SLC10A1: variants seen among roughly 807,000 people sequenced by gnomAD.
SLC10A1 encodes the protein solute carrier family 10 member 1, also known as hepatic sodium/bile acid cotransporter.
A neutral mutation model predicts 20.5 loss-of-function variants in SLC10A1; 36 were observed. The observed-to-expected ratio is 1.75, with a 90% CI of 1.34 to 2.32. The LOEUF is 2.32. SLC10A1 is among the 30% of genes most tolerant of loss of function. The probability of loss-of-function intolerance (pLI) is 0.00; values close to 1 mark genes in which losing one functional copy is unlikely to be tolerated. For synonymous variants in SLC10A1, 188 were observed against 163.6 expected, an observed-to-expected ratio of 1.15 and a Z score of -1.14; for missense variants, 545 against 439.1, an observed-to-expected ratio of 1.24 and a Z score of -2.16.
At chr14:69,782,771 G>A (rs1474307636) in intron 2 of SLC10A1, among the ~76,000 whole-genome samples, 1 of 148,340 alleles carries the variant, frequency 6.7e-6, no homozygotes, top group Non-Finnish European at 1.5e-5. Context: ...TCGCGCCACT[G>A]CACTCCAACC....
Position 69,778,387 on chromosome 14 carries a change from C to T in SLC10A1, c.889G>A (p.Gly297Arg), listed in dbSNP as rs747396551. The change falls in exon 4 of 5, where the codon GGG (glycine) becomes AGG (arginine). Residue 297 changes from glycine (G) to arginine (R), a missense_variant. Physicochemically the swap from Gly to Arg is moderately radical, Grantham distance 125. Transcript: ENST00000216540. ...LLYMIFQLGEGLLLIAIFWCY... is the reference protein window; with the variant it reads ...LLYMIFQLGERLLLIAIFWCY... Reference sequence around the variant, plus strand: ...CAAAATATGGCAATGAGGAGAAGCCCTTCTCCAAGCTGGAAAATCATGTAG... The same window carrying T: ...CAAAATATGGCAATGAGGAGAAGCCTTTCTCCAAGCTGGAAAATCATGTAG... 9 of 1,613,724 alleles carry T rather than the reference C, an allele frequency of 5.6e-6. No individual in the cohort carries two copies. In the East Asian group the frequency reaches 1.6e-4, roughly 28 times the overall value.
At chr14:69,786,440 A>G (rs966407022) in intron 1 of SLC10A1, 133 bp from the exon 2 acceptor site, 3 of 682,434 alleles carry the variant, frequency 4.4e-6, no homozygotes, top group Admixed American at 2.4e-5. Context: ...CCATAACATT[A>G]GGCAGTAAGC....
intron 2 of SLC10A1, among the ~76,000 whole-genome samples, chr14:69,782,980 G>A (rs1375446402): frequency 6.6e-6 from 1 of 152,196 alleles, no homozygotes; most frequent in Non-Finnish European, 1.5e-5. Context: ...GGAGGGCAGA[G>A]TAGCATTAAA....
intron 2 of SLC10A1, 112 bp downstream of exon 2, chr14:69,785,985 C>T (rs529451754): frequency 1.3e-6 from 1 of 761,494 alleles, no homozygotes; most frequent in African/African-American, 1.8e-5. Context: ...TAAAACTTAG[C>T]ATCTAGTAGG....
At position 69,786,082 on chromosome 14, in the gene SLC10A1, C is replaced by T. The variant is rs537445884; in HGVS notation, c.567+15G>A. The T allele has an allele frequency of 6.2e-7, 1 of 1,609,706 alleles. No homozygotes were observed. Among genetic ancestry groups the T allele is most frequent in the South Asian group, 1.1e-5 (1 of 90,962 alleles). On this transcript the variant is annotated intron_variant, in intron 2 of 4. Coordinates refer to ENST00000216540, the MANE Select transcript of SLC10A1 (RefSeq NM_003049.4). ...ACTCTTTTGCCCTAATTTGTCAAGC[C>T]TCCCAGGTTCTTACCTTGATGACAT...
chr14:69,780,014 A>G (rs913494959), intron 2 of SLC10A1, among the ~76,000 whole-genome samples: 1 of 152,176 alleles, frequency 6.6e-6, no homozygotes, highest in African/African-American at 2.4e-5. Context: ...GTCATTTGAA[A>G]CAAAGCTGGT....
chr14:69,782,887 A>G (rs1883628534), intron 2 of SLC10A1, among the ~76,000 whole-genome samples: 1 of 152,014 alleles, frequency 6.6e-6, no homozygotes, highest in Non-Finnish European at 1.5e-5. Context: ...TCTGAGGTAG[A>G]AAAGAGACAT....
intron 2 of SLC10A1, among the ~76,000 whole-genome samples, chr14:69,779,759 T>C (rs927508158): frequency 2.0e-5 from 3 of 152,190 alleles, no homozygotes; most frequent in African/African-American, 7.2e-5. Context: ...AGTTACTGCT[T>C]TTGACACATC....
chr14:69,778,297 AG>A (rs1463004041), intron 4 of SLC10A1, 35 bp downstream of exon 4: 16 of 1,525,274 alleles, frequency 1.0e-5, no homozygotes, highest in Non-Finnish European at 1.4e-5. Flanking sequence ...CTAATATTGG[AG>A]CAGAACTTGA....
At chr14:69,795,440 C>G (rs1882370199) in intron 1 of SLC10A1, among the ~76,000 whole-genome samples, 1 of 144,818 alleles carries the variant, frequency 6.9e-6, no homozygotes, top group African/African-American at 2.6e-5. Context: ...GGGTCTCACT[C>G]TGTTGCCCAG....
Position 69,797,144 on chromosome 14 carries a change from G to A in SLC10A1, c.12C>T (p.His4=), listed in dbSNP as rs1419856251. Residue 4 remains histidine, a synonymous_variant, in exon 1 of 5, where the codon CAC becomes CAT. Transcript: ENST00000216540. MEA[H]NASAPFNFTL... ...TGAAGTTGAATGGGGCAGACGCGTT[G>A]TGGGCCTCCATCCTCCTGTGAGGCA... The A allele has an allele frequency of 1.2e-6, 2 of 1,609,112 alleles. No homozygotes were observed. The highest frequency in any genetic ancestry group is 1.7e-6 in the Non-Finnish European group (2 of 1,177,140).
chr14:69,786,464 T>G (rs1883717745), intron 1 of SLC10A1, among the ~76,000 whole-genome samples, 157 bp from the exon 2 acceptor site: 1 of 152,204 alleles, frequency 6.6e-6, no homozygotes, highest in South Asian at 2.1e-4. Context: ...CTATCTTCTT[T>G]TCGCTGACAA....
At chr14:69,784,765 AAGG>A (rs1883673113) in intron 2 of SLC10A1, among the ~76,000 whole-genome samples, 1 of 126,786 alleles carries the variant, frequency 7.9e-6, no homozygotes, top group East Asian at 2.0e-4. Flanking sequence ...TAATCAATAA[AAGG>A]AGGTCTCTTG....
intron 2 of SLC10A1, among the ~76,000 whole-genome samples, chr14:69,782,110 A>G (rs1883605721): frequency 6.6e-6 from 1 of 152,212 alleles, no homozygotes; most frequent in African/African-American, 2.4e-5. Flanking sequence ...CTTGACCCAC[A>G]TGTTAGTCTC....
intron 1 of SLC10A1, among the ~76,000 whole-genome samples, chr14:69,796,139 G>C (rs997741491): frequency 6.6e-6 from 1 of 152,196 alleles, no homozygotes; most frequent in African/African-American, 2.4e-5. Flanking sequence ...TTGGGCAGGG[G>C]GTTAGGGGGT....
At position 69,778,413 on chromosome 14, in the gene SLC10A1, A is replaced by AG; in HGVS notation, c.862dup (p.Leu288ProfsTer21). ...TTCTCCAAGCTGGAAAATCATGTAG[A>AG]GGAGGGGAAAGAAGAAAAGTGGTCC... On this transcript the variant is annotated frameshift_variant, in exon 4 of 5. Coordinates refer to ENST00000216540, the MANE Select transcript of SLC10A1 (RefSeq NM_003049.4). LOFTEE classifies it high-confidence loss of function. 1 of 1,614,068 alleles carries AG rather than the reference A, an allele frequency of 6.2e-7. No homozygotes were observed. The highest frequency in any genetic ancestry group is 8.5e-7 in the Non-Finnish European group (1 of 1,179,986).
chr14:69,783,475 A>C (rs1164197265), intron 2 of SLC10A1, among the ~76,000 whole-genome samples: 1 of 152,184 alleles, frequency 6.6e-6, no homozygotes. Flanking sequence ...TGAGACTTAA[A>C]GGATGAGTGG....
rs146300936 is a variant in SLC10A1 at position 69,782,020 on chromosome 14, A to G, written c.568-2660T>C. ...CGTTTTCCAGTTTGGCACTCACTAT[A>G]TTATTTATGGGACAGGGTGACGAAG... On this transcript the variant is annotated intron_variant, in intron 2 of 4. Coordinates refer to ENST00000216540, the MANE Select transcript of SLC10A1 (RefSeq NM_003049.4). 2.7e-4 allele frequency among the ~76,000 whole-genome samples: 41 copies of G among 152,310 alleles called. 1 individual carries two copies. Among genetic ancestry groups the G allele is most frequent in the Admixed American group, 1.4e-3 (22 of 15,302 alleles).
chr14:69,796,946 G>A lies in SLC10A1; in HGVS notation c.210C>T (p.Gly70=). Reference sequence around the variant, plus strand: ...GCACAAAGGCCGTGAGGGGCATGATGCCATACTGTGCCACCAGGGCGATGG... The same window carrying A: ...GCACAAAGGCCGTGAGGGGCATGATACCATACTGTGCCACCAGGGCGATGG... ...GLAIALVAQY[G]IMPLTAFVLG... is the part of the protein sequence containing the mutation. Residue 70 remains glycine, a synonymous_variant, in exon 1 of 5, where the codon GGC becomes GGT. Coordinates refer to ENST00000216540, the MANE Select transcript of SLC10A1 (RefSeq NM_003049.4). 1 of 1,614,206 alleles carries A rather than the reference G, an allele frequency of 6.2e-7. No homozygotes were observed. The highest frequency in any genetic ancestry group is 8.5e-7 in the Non-Finnish European group (1 of 1,180,016).
Sources: gnomAD v4.1 joint callset for allele counts (sites outside exome capture counted in the v4.1 genomes callset) on GRCh38, gnomAD v4.1.1 for gene constraint, MANE v1.5 for transcripts, NCBI Gene and HGNC (gene_info 2026-07-23, HGNC 2026-07-21) for gene names.